ZMAT4: variants seen among roughly 807,000 people sequenced by gnomAD.
ZMAT4 encodes the protein zinc finger matrin-type protein 4.
A neutral mutation model predicts 28.7 loss-of-function variants in ZMAT4; 17 were observed. That is an observed-to-expected ratio of 0.59 (90% CI 0.41 to 0.89). The LOEUF is 0.89. ZMAT4 is among the 40% of genes least tolerant of loss of function. ZMAT4 has a pLI of 0.00. For synonymous variants in ZMAT4, 117 were observed against 109.2 expected, an observed-to-expected ratio of 1.07 and a Z score of -0.44; for missense variants, 240 against 283.8, an observed-to-expected ratio of 0.85 and a Z score of 1.11.
rs182807929 is a variant in ZMAT4 at position 40,582,405 on chromosome 8, G to C, written c.578-1144C>G. Among the ~76,000 whole-genome samples, 295 of 152,214 alleles carry C rather than the reference G, an allele frequency of 1.9e-3. 1 individual carries two copies. Among genetic ancestry groups the C allele is most frequent in the African/African-American group, 6.9e-3 (285 of 41,518 alleles). Reference sequence around the variant, plus strand: ...GTCCTAGCTACTCAGGAGGCTGAGAGCCCAGTTCAAGATCACAGTGAGGTA... The same window carrying C: ...GTCCTAGCTACTCAGGAGGCTGAGACCCCAGTTCAAGATCACAGTGAGGTA... On this transcript the variant is annotated intron_variant, in intron 5 of 6. Coordinates refer to ENST00000297737, the MANE Select transcript of ZMAT4 (RefSeq NM_024645.3).
intron 2 of ZMAT4, among the ~76,000 whole-genome samples, chr8:40,770,705 G>T (rs6990192): frequency 0.22 from 33,286 of 151,810 alleles, 3,844 homozygotes; most frequent in Non-Finnish European, 0.25. Context: ...GTGCCACCAC[G>T]CCTGGCTAGT....
At chr8:40,582,173 A>G (rs1375786507) in intron 5 of ZMAT4, among the ~76,000 whole-genome samples, 1 of 152,142 alleles carries the variant, frequency 6.6e-6, no homozygotes, top group Admixed American at 6.5e-5. Context: ...TCCATCTACA[A>G]GACGAAGACA....
intron 2 of ZMAT4, among the ~76,000 whole-genome samples, chr8:40,790,176 T>C (rs1049713917): frequency 1.3e-5 from 2 of 152,188 alleles, no homozygotes; most frequent in African/African-American, 4.8e-5. Flanking sequence ...TTTGTTTTCA[T>C]TTGGATGGTC....
At chr8:40,673,134 T>C (rs536003598) in intron 5 of ZMAT4, among the ~76,000 whole-genome samples, 4 of 152,306 alleles carry the variant, frequency 2.6e-5, no homozygotes, top group African/African-American at 9.6e-5. Context: ...TAGCTGTCTC[T>C]AGCTTGTTTC....
chr8:40,668,879 GT>G lies in ZMAT4; in HGVS notation c.577+5824del, dbSNP rs36023323. Among the ~76,000 whole-genome samples, 454 of 146,782 alleles carry G rather than the reference GT, an allele frequency of 3.1e-3. 1 individual carries two copies. The highest frequency in any genetic ancestry group is 9.3e-3 in the African/African-American group (369 of 39,860). ...CCAGTAAGGAACTGCCTTTTAAAGT[GT>G]TTTTTTTTTTTTATATTGGACAATG... On this transcript the variant is annotated intron_variant, in intron 5 of 6. Coordinates refer to ENST00000297737, the MANE Select transcript of ZMAT4 (RefSeq NM_024645.3).
At chr8:40,850,842 T>A (rs1180224529) in intron 1 of ZMAT4, among the ~76,000 whole-genome samples, 2 of 152,202 alleles carry the variant, frequency 1.3e-5, no homozygotes, top group African/African-American at 4.8e-5. Context: ...TCAAGTTTTT[T>A]ATTCTCAGAA....
chr8:40,722,819 C>T (rs569721805), intron 3 of ZMAT4, among the ~76,000 whole-genome samples: 132 of 152,184 alleles, frequency 8.7e-4, no homozygotes, highest in South Asian at 2.1e-3. Flanking sequence ...AATCAGACAC[C>T]GGGTGATAAG....
intron 4 of ZMAT4, among the ~76,000 whole-genome samples, chr8:40,689,222 G>T (rs371428279): frequency 6.6e-6 from 1 of 152,170 alleles, no homozygotes; most frequent in Non-Finnish European, 1.5e-5. Flanking sequence ...GCTTGTGGAC[G>T]CTGAGAACAC....
chr8:40,722,849 C>G (rs1174896162), intron 3 of ZMAT4, among the ~76,000 whole-genome samples: 1 of 152,158 alleles, frequency 6.6e-6, no homozygotes, highest in Non-Finnish European at 1.5e-5. Context: ...ACATCTCCAC[C>G]TGTGAGCGTC....
chr8:40,820,162 G>GTGTGTGTGTGTGTGTGTGTATGCGAATA (rs1815698739), intron 2 of ZMAT4, among the ~76,000 whole-genome samples: 1 of 102,710 alleles, frequency 9.7e-6, no homozygotes, highest in South Asian at 3.1e-4. Flanking sequence ...GCGAATATGT[G>GTGTGTGTGTGTGTGTGTGTATGCGAATA]TGTGTGTGTG....
intron 2 of ZMAT4, among the ~76,000 whole-genome samples, chr8:40,781,595 T>C (rs1349051127): frequency 2.7e-5 from 4 of 149,512 alleles, no homozygotes; most frequent in Non-Finnish European, 4.5e-5. Context: ...ACCCCGTCTC[T>C]ACTAAAAATA....
At chr8:40,858,122 T>G (rs895872620) in intron 1 of ZMAT4, among the ~76,000 whole-genome samples, 1 of 152,196 alleles carries the variant, frequency 6.6e-6, no homozygotes, top group Admixed American at 6.5e-5. Context: ...TTAAGATCTA[T>G]GCGTTTTATC....
intron 1 of ZMAT4, among the ~76,000 whole-genome samples, chr8:40,827,029 C>G (rs568672389): frequency 1.3e-5 from 2 of 152,300 alleles, no homozygotes; most frequent in African/African-American, 4.8e-5. Flanking sequence ...GCACTTTGGA[C>G]TTTATCTTAT....
intron 5 of ZMAT4, among the ~76,000 whole-genome samples, chr8:40,616,549 T>A (rs906835151): frequency 6.6e-6 from 1 of 152,134 alleles, no homozygotes; most frequent in Non-Finnish European, 1.5e-5. Flanking sequence ...TGGAATACTA[T>A]GCAGCCATAA....
intron 5 of ZMAT4, among the ~76,000 whole-genome samples, chr8:40,594,748 TGGCATCCTCA>T (rs1048016699): frequency 6.6e-6 from 1 of 152,226 alleles, no homozygotes; most frequent in African/African-American, 2.4e-5. Context: ...CACTCATTTT[TGGCATCCTCA>T]GGCATGTTCA....
At chr8:40,652,799 T>C (rs1021576483) in intron 5 of ZMAT4, among the ~76,000 whole-genome samples, 17 of 138,446 alleles carry the variant, frequency 1.2e-4, no homozygotes, top group African/African-American at 4.4e-4. Flanking sequence ...TGGATGAAAT[T>C]GGAAATCATC....
intron 3 of ZMAT4, among the ~76,000 whole-genome samples, chr8:40,741,634 G>A (rs759556259): frequency 2.6e-5 from 4 of 152,092 alleles, no homozygotes; most frequent in Non-Finnish European, 5.9e-5. Context: ...TTCATATATC[G>A]GTGCTGGGAA....
intron 5 of ZMAT4, among the ~76,000 whole-genome samples, chr8:40,665,230 A>G (rs1457875865): frequency 6.9e-6 from 1 of 144,866 alleles, no homozygotes; most frequent in African/African-American, 2.6e-5. Flanking sequence ...ACAAAAAAAC[A>G]CACACACAAA....
intron 5 of ZMAT4, among the ~76,000 whole-genome samples, chr8:40,627,481 T>C (rs1320680562): frequency 6.6e-6 from 1 of 152,182 alleles, no homozygotes; most frequent in East Asian, 1.9e-4. Context: ...ATATTTACTG[T>C]TTTACTGTCT....
Sources: allele counts gnomAD v4.1 joint callset (sites outside exome capture counted in the v4.1 genomes callset), GRCh38; gene constraint gnomAD v4.1.1; transcripts MANE v1.5; gene names NCBI Gene and HGNC (gene_info 2026-07-23, HGNC 2026-07-21).